Variants in ATG5 observed in about 807,000 individuals in gnomAD.
ATG5 encodes the protein autophagy protein 5.
A neutral mutation model predicts 36.5 loss-of-function variants in ATG5; 14 were observed. That is an observed-to-expected ratio of 0.38 (90% CI 0.25 to 0.60). The LOEUF (loss-of-function observed/expected upper bound fraction) is 0.60, where lower values mean the gene tolerates loss of function less well. ATG5 is among the 20% of genes least tolerant of loss of function. The probability of loss-of-function intolerance (pLI) is 0.60; values close to 1 mark genes in which losing one functional copy is unlikely to be tolerated. For synonymous variants in ATG5, 95 were observed against 101.5 expected (o/e 0.94, Z 0.38); for missense variants, 195 against 326.7 (o/e 0.60, Z 3.11).
chr6:106,249,318 C>G (rs901343454), intron 5 of ATG5, among the ~76,000 whole-genome samples: 1 of 152,110 alleles, frequency 6.6e-6, no homozygotes, highest in Non-Finnish European at 1.5e-5. Context: ...TTTGCCTATT[C>G]CAGACATTTC....
chr6:106,264,807 A>G lies in ATG5; in HGVS notation c.478+14854T>C, dbSNP rs541197449. ...CAAGCAAATGCTAAGGGATTTTGTC[A>G]TCACCAGGCCTGCCCTACAAGAGCT... On this transcript the variant is annotated intron_variant, in intron 5 of 7. Transcript: ENST00000369076. Among the ~76,000 whole-genome samples the G allele has an allele frequency of 1.4e-4, 21 of 152,304 alleles. No individual in the cohort carries two copies. The East Asian group carries it at 3.3e-3, about 24-fold the overall frequency.
intron 1 of ATG5, among the ~76,000 whole-genome samples, chr6:106,322,190 A>G (rs1771106524): frequency 6.6e-6 from 1 of 152,120 alleles, no homozygotes; most frequent in South Asian, 2.1e-4. Flanking sequence ...TCTAGTTCAG[A>G]GCCTGGGACA....
At chr6:106,246,323 T>C (rs999853870) in intron 6 of ATG5, among the ~76,000 whole-genome samples, 2 of 148,466 alleles carry the variant, frequency 1.3e-5, no homozygotes, top group African/African-American at 5.0e-5. Context: ...CCCTCCCACT[T>C]TCTATCTAAT....
At chr6:106,279,855 G>C in intron 4 of ATG5, 32 bp from the exon 5 acceptor site, 1 of 1,327,564 alleles carries the variant, frequency 7.5e-7, no homozygotes, top group African/African-American at 1.5e-5. Context: ...ATATAAAACA[G>C]GATACACACA....
At chr6:106,319,131 C>G (rs1276824103) in intron 1 of ATG5, among the ~76,000 whole-genome samples, 1 of 152,050 alleles carries the variant, frequency 6.6e-6, no homozygotes, top group Non-Finnish European at 1.5e-5. Context: ...CAGCACTTAC[C>G]ACATTAGATA....
At chr6:106,263,944 T>A (rs982866651) in intron 5 of ATG5, among the ~76,000 whole-genome samples, 6 of 149,120 alleles carry the variant, frequency 4.0e-5, no homozygotes, top group Admixed American at 6.7e-5. Flanking sequence ...CTTCTCCAAA[T>A]GATCTCAATT....
intron 6 of ATG5, among the ~76,000 whole-genome samples, chr6:106,203,272 G>A (rs1479588791): frequency 6.6e-6 from 1 of 152,134 alleles, no homozygotes; most frequent in African/African-American, 2.4e-5. Context: ...TTTCCTTAGT[G>A]ATGATGGAGG....
chr6:106,257,703 A>T (rs1307915947), intron 5 of ATG5, among the ~76,000 whole-genome samples: 7 of 152,220 alleles, frequency 4.6e-5, no homozygotes, highest in Admixed American at 4.6e-4. Context: ...GGGATATCAC[A>T]GGAATTTAGT....
intron 1 of ATG5, among the ~76,000 whole-genome samples, chr6:106,316,956 A>C (rs1323923093): frequency 6.6e-6 from 1 of 151,858 alleles, no homozygotes. Flanking sequence ...TCAAATCCCT[A>C]CTCTGCAAAC....
intron 5 of ATG5, among the ~76,000 whole-genome samples, chr6:106,272,320 TC>T (rs1779484316): frequency 2.0e-5 from 3 of 152,216 alleles, no homozygotes. Context: ...TCTCCTACCA[TC>T]CCACTCTCTG....
At position 106,201,854 on chromosome 6, in the gene ATG5, C is replaced by T. The variant is rs998730247; in HGVS notation, c.691+118G>A. On this transcript the variant is annotated intron_variant, in intron 7 of 7. Transcript: ENST00000369076. The stretch of plus-strand genomic sequence containing the variant: ...GGTGCTTCTGTTTGAAAAGACTTTT[C>T]GCTGTAAGATATGAAAATATCTTCC... 4.9e-5 allele frequency: 33 copies of T among 668,400 alleles called. 1 individual carries two copies. The highest frequency in any genetic ancestry group is 2.0e-4 in the Admixed American group (7 of 35,892). 41.4% of individuals were successfully genotyped at this position (668,400 alleles called of 1,614,324 possible).
chr6:106,285,910 G>A (rs1780058452), intron 4 of ATG5, among the ~76,000 whole-genome samples: 1 of 152,222 alleles, frequency 6.6e-6, no homozygotes, highest in African/African-American at 2.4e-5. Context: ...CTGCTCTGAT[G>A]TATGATCCTT....
At chr6:106,268,219 G>A (rs1340688382) in intron 5 of ATG5, among the ~76,000 whole-genome samples, 3 of 152,140 alleles carry the variant, frequency 2.0e-5, no homozygotes, top group Non-Finnish European at 1.5e-5. Context: ...AGTGGGCGAA[G>A]GATATGAGCA....
At position 106,279,653 on chromosome 6, in the gene ATG5, A is replaced by G. The variant is rs1350271293; in HGVS notation, c.478+8T>C. The G allele has an allele frequency of 6.4e-7, 1 of 1,569,262 alleles. No individual in the cohort carries two copies. Among genetic ancestry groups the G allele is most frequent in the East Asian group, 2.3e-5 (1 of 44,136 alleles). On this transcript the variant is annotated splice_region_variant and intron_variant, in intron 5 of 7. Transcript: ENST00000369076. The stretch of plus-strand genomic sequence containing the variant: ...TGGTATTCTAAAATTAAACACTATT[A>G]TACTTACCATTTTGCAATCCCATCC...
chr6:106,278,045 A>C (rs1415799324), intron 5 of ATG5, among the ~76,000 whole-genome samples: 1 of 152,048 alleles, frequency 6.6e-6, no homozygotes, highest in East Asian at 1.9e-4. Flanking sequence ...CCTTGGGCTC[A>C]AGCAATCCTC....
intron 1 of ATG5, 146 bp downstream of exon 1, chr6:106,325,380 G>T (rs1771251496): frequency 6.6e-6 from 1 of 152,610 alleles, no homozygotes; most frequent in Admixed American, 6.5e-5. Context: ...ACCTTGCCCG[G>T]AGGAACCACC....
intron 7 of ATG5, among the ~76,000 whole-genome samples, chr6:106,192,993 C>A (rs1015802479): frequency 2.2e-4 from 34 of 152,084 alleles, no homozygotes; most frequent in Admixed American, 1.2e-3. Context: ...GAGGTCAGGT[C>A]AAAGAGGGTT....
At chr6:106,189,751 A>G (rs1196998840) in intron 7 of ATG5, among the ~76,000 whole-genome samples, 1 of 152,128 alleles carries the variant, frequency 6.6e-6, no homozygotes, top group East Asian at 1.9e-4. Context: ...TTTTTGTTTC[A>G]AAATGGGAAT....
intron 3 of ATG5, among the ~76,000 whole-genome samples, chr6:106,306,453 T>C (rs1423158311): frequency 2.6e-5 from 4 of 152,180 alleles, no homozygotes; most frequent in African/African-American, 9.7e-5. Context: ...TCTGGCAACA[T>C]TTTTGATAAT....
Sources: gnomAD v4.1 joint callset for allele counts (sites outside exome capture counted in the v4.1 genomes callset) on GRCh38, gnomAD v4.1.1 for gene constraint, MANE v1.5 for transcripts, NCBI Gene and HGNC (gene_info 2026-07-23, HGNC 2026-07-21) for gene names.